GARRE1: variants seen among roughly 807,000 people sequenced by gnomAD.
The protein encoded by GARRE1 is granule associated Rac and RHOG effector 1.
A neutral mutation model predicts 103.2 loss-of-function variants in GARRE1; 49 were observed. That is an observed-to-expected ratio of 0.47 (90% CI 0.38 to 0.60). The LOEUF (loss-of-function observed/expected upper bound fraction) is 0.60. GARRE1 is among the 20% of genes least tolerant of loss of function. The probability of loss-of-function intolerance (pLI) is 0.00; values close to 1 mark genes in which losing one functional copy is unlikely to be tolerated. For synonymous variants in GARRE1, 505 were observed against 532.8 expected, an observed-to-expected ratio of 0.95 and a Z score of 0.72; for missense variants, 1,199 against 1,370.5, an observed-to-expected ratio of 0.87 and a Z score of 1.98.
rs530902891 is a variant in GARRE1, at chr19:34,312,719, G to A, written c.496-7188G>A. On this transcript the variant is annotated intron_variant, in intron 2 of 13. Transcript: ENST00000299505. The stretch of plus-strand genomic sequence containing the variant: ...AGGTGGGTGGATCACCTGAGGTCAC[G>A]AGTTTGAGACCAGCCTGGCCAACAT... 4.1e-3 allele frequency among the ~76,000 whole-genome samples: 630 copies of A among 152,226 alleles called. 1 individual carries two copies. Among genetic ancestry groups the A allele is most frequent in the Non-Finnish European group, 6.9e-3 (470 of 68,024 alleles).
rs572834473 is a variant in GARRE1, at chr19:34,261,431, ATAAT to A, written c.-796+6822_-796+6825del. On this transcript the variant is annotated intron_variant, in intron 1 of 13. Transcript: ENST00000299505. ...TTTTCTTTGAGCTTAGATAGCCTAA[ATAAT>A]TAATCCCCATGGAACTGCTTGCTTC... is the stretch of plus-strand genomic sequence containing the variant. Among the ~76,000 whole-genome samples the A allele has an allele frequency of 5.3e-4, 81 of 152,278 alleles. 1 individual carries two copies. The highest frequency in any genetic ancestry group is 1.8e-3 in the African/African-American group (73 of 41,560).
chr19:34,272,132 T>G (rs2073791886), intron 1 of GARRE1, among the ~76,000 whole-genome samples: 1 of 152,134 alleles, frequency 6.6e-6, no homozygotes, highest in African/African-American at 2.4e-5. Context: ...AATAACACCT[T>G]AAGTTTGGGT....
intron 2 of GARRE1, among the ~76,000 whole-genome samples, chr19:34,303,603 C>G (rs1490230880): frequency 1.3e-5 from 2 of 152,170 alleles, no homozygotes; most frequent in East Asian, 3.8e-4. Context: ...TGTGGTCTCT[C>G]TCACATATTC....
chr19:34,283,864 C>T (rs1370067402), intron 1 of GARRE1, among the ~76,000 whole-genome samples: 4 of 137,980 alleles, frequency 2.9e-5, no homozygotes, highest in Non-Finnish European at 4.6e-5. Context: ...CGGAGTCTCA[C>T]TCTGTCACCC....
At chr19:34,327,153 T>TAAAAATAAAA (rs2074115385) in intron 3 of GARRE1, among the ~76,000 whole-genome samples, 1 of 136,792 alleles carries the variant, frequency 7.3e-6, no homozygotes, top group Non-Finnish European at 1.6e-5. Flanking sequence ...AGACCTTGTC[T>TAAAAATAAAA]CAAAATAAAA....
At chr19:34,335,726 A>G (rs1435455095) in intron 8 of GARRE1, among the ~76,000 whole-genome samples, 2 of 152,170 alleles carry the variant, frequency 1.3e-5, no homozygotes, top group Non-Finnish European at 2.9e-5. Flanking sequence ...GGGTTTTGCC[A>G]TGTTGGCCAG....
Position 34,333,696 on chromosome 19 carries a change from G to A in GARRE1, c.1264-8G>A, listed in dbSNP as rs777136587. On this transcript the variant is annotated splice_polypyrimidine_tract_variant and splice_region_variant and intron_variant, in intron 7 of 13. Transcript: ENST00000299505. Reference sequence around the variant, plus strand: ...TTATTTGTTTTTTTTTTTTTTTTTCGATCTTAGGTGGTGGTTGACACAGCA... The same window carrying A: ...TTATTTGTTTTTTTTTTTTTTTTTCAATCTTAGGTGGTGGTTGACACAGCA... 2.2e-5 allele frequency: 14 copies of A among 627,302 alleles called. No individual in the cohort carries two copies. Among genetic ancestry groups the A allele is most frequent in the Non-Finnish European group, 2.9e-5 (12 of 419,120 alleles). 38.9% of individuals were successfully genotyped at this position (627,302 alleles called of 1,614,324 possible). A position where few individuals can be genotyped will look rare whatever the true frequency, so the allele number is the denominator to read the frequency against.
chr19:34,352,981 TGCCTG>T lies in GARRE1; in HGVS notation c.*27_*31del. 6.7e-7 allele frequency: 1 copy of T among 1,483,986 alleles called. No individual in the cohort carries two copies. 91.9% of individuals were successfully genotyped at this position (1,483,986 alleles called of 1,614,324 possible). A position where few individuals can be genotyped will look rare whatever the true frequency, so the allele number is the denominator to read the frequency against. On this transcript the variant is annotated 3_prime_UTR_variant, in exon 14 of 14. Coordinates refer to ENST00000299505, the MANE Select transcript of GARRE1 (RefSeq NM_014686.5). ...CCCCAGGCCAGCCAGCCTGCCTGCCTGCCTGCCTGCCCGCCCAGAGCTGTGGGGAT... is the reference window on the plus strand; with the variant it reads ...CCCCAGGCCAGCCAGCCTGCCTGCCTCCTGCCCGCCCAGAGCTGTGGGGAT...
chr19:34,351,208 A>AT (rs1250129677), intron 12 of GARRE1, among the ~76,000 whole-genome samples: 10 of 127,842 alleles, frequency 7.8e-5, no homozygotes, highest in African/African-American at 3.2e-4. Flanking sequence ...AAAAAAAAAA[A>AT]AAAAATAAAA....
intron 2 of GARRE1, among the ~76,000 whole-genome samples, chr19:34,303,024 T>C (rs768186544): frequency 6.6e-6 from 1 of 152,056 alleles, no homozygotes; most frequent in Non-Finnish European, 1.5e-5. Flanking sequence ...GGATTACAGG[T>C]GTGAGCCACC....
rs762077485 is a variant in GARRE1, at chr19:34,341,998, A to C, written c.2064A>C (p.Gln688His). 6.2e-7 allele frequency: 1 copy of C among 1,614,152 alleles called. No individual in the cohort carries two copies. The highest frequency in any genetic ancestry group is 1.1e-5 in the South Asian group (1 of 91,084). ...MVTEQKAGAM[Q>H]PQQPSLPVPP... is the part of the protein sequence containing the mutation. Reference sequence around the variant, plus strand: ...CTGAGCAGAAGGCAGGAGCCATGCAACCACAGCAGCCGTCACTGCCTGTGC... The same window carrying C: ...CTGAGCAGAAGGCAGGAGCCATGCACCCACAGCAGCCGTCACTGCCTGTGC... The change falls in exon 10 of 14, where the codon CAA becomes CAC. Residue 688 changes from glutamine to histidine, a missense_variant. Gln to His is a conservative substitution (Grantham distance 24). Coordinates refer to ENST00000299505, the MANE Select transcript of GARRE1 (RefSeq NM_014686.5).
chr19:34,327,855 G>A lies in GARRE1; in HGVS notation c.931G>A (p.Ala311Thr). Residue 311 changes from alanine to threonine, a missense_variant, in exon 5 of 14, where the codon GCA becomes ACA. Ala to Thr is a moderately conservative substitution (Grantham distance 58). Transcript: ENST00000299505. The stretch of plus-strand genomic sequence containing the variant: ...CCACCTGAATCCAAAGGCGATTGAA[G>A]CAAGTTTGCAGGTACACTTTTCCTT... ...GFHLNPKAIE[A>T]SLQGCCSEAE... The A allele has an allele frequency of 1.2e-6, 2 of 1,614,228 alleles. No individual in the cohort carries two copies. Among genetic ancestry groups the A allele is most frequent in the Non-Finnish European group, 1.7e-6 (2 of 1,180,024 alleles).
At position 34,328,227 on chromosome 19, in the gene GARRE1, G is replaced by A. The variant is rs764855547; in HGVS notation, c.1104+76G>A. On this transcript the variant is annotated intron_variant, in intron 6 of 13. Transcript: ENST00000299505. ...TCTTAAGAGAAATGTAAAGGCTTGC[G>A]AAGGATGTAGATTAAAAAAAAAATG... The A allele has an allele frequency of 7.1e-5, 107 of 1,508,360 alleles. 1 individual carries two copies. In the South Asian group the frequency reaches 8.4e-4, roughly 12 times the overall value. The allele number at this position is 1,508,360 out of a possible 1,614,324, so 93.4% of individuals were successfully genotyped here.
At chr19:34,340,239 A>T (rs1263621740) in intron 9 of GARRE1, among the ~76,000 whole-genome samples, 1 of 152,172 alleles carries the variant, frequency 6.6e-6, no homozygotes, top group Non-Finnish European at 1.5e-5. Flanking sequence ...TTATTTTGTC[A>T]TTTGAGAGGA....
At chr19:34,305,390 T>C (rs79014299) in intron 2 of GARRE1, among the ~76,000 whole-genome samples, 2,236 of 152,286 alleles carry the variant, frequency 0.015, 25 homozygotes, top group South Asian at 0.026. Flanking sequence ...CACTTTGTCC[T>C]CTCCTAGAAA....
At chr19:34,347,850 C>A in intron 10 of GARRE1, 27 bp from the exon 11 acceptor site, 1 of 1,486,672 alleles carries the variant, frequency 6.7e-7, no homozygotes. Flanking sequence ...GTCCCCAAAC[C>A]CGGTTTATTC....
chr19:34,276,963 A>T lies in GARRE1; in HGVS notation c.-796+22349A>T, dbSNP rs576424454. Among the ~76,000 whole-genome samples the T allele has an allele frequency of 4.3e-4, 65 of 152,330 alleles. 1 individual carries two copies. Among genetic ancestry groups the T allele is most frequent in the African/African-American group, 1.5e-3 (63 of 41,580 alleles). ...TGTCATGAAGATAAGACAGCATTGT[A>T]GGGGTGAGGTGACCCTAGATTAGAC... On this transcript the variant is annotated intron_variant, in intron 1 of 13. Coordinates refer to ENST00000299505, the MANE Select transcript of GARRE1 (RefSeq NM_014686.5).
chr19:34,311,363 T>A (rs920131509), intron 2 of GARRE1, among the ~76,000 whole-genome samples: 1 of 152,138 alleles, frequency 6.6e-6, no homozygotes. Flanking sequence ...TAGTGGGATA[T>A]CTCCTTAAGG....
intron 12 of GARRE1, among the ~76,000 whole-genome samples, chr19:34,349,800 C>T (rs1415813705): frequency 6.6e-6 from 1 of 152,028 alleles, no homozygotes; most frequent in African/African-American, 2.4e-5. Flanking sequence ...CCCTGCTGGA[C>T]AGGCCAGGCT....
Sources: allele counts gnomAD v4.1 joint callset (sites outside exome capture counted in the v4.1 genomes callset), GRCh38; gene constraint gnomAD v4.1.1; transcripts MANE v1.5; gene names NCBI Gene and HGNC (gene_info 2026-07-23, HGNC 2026-07-21).